Variants in CAMTA1 observed in about 807,000 individuals in gnomAD.
The protein encoded by CAMTA1 is calmodulin-binding transcription activator 1.
In CAMTA1, 27 loss-of-function variants were observed where a neutral mutation model predicts 170.9. The ratio of observed to expected loss-of-function variants is 0.16; its 90% CI spans 0.12 to 0.22. The LOEUF (loss-of-function observed/expected upper bound fraction) is 0.22, where lower values mean the gene tolerates loss of function less well. CAMTA1 is among the 10% of genes least tolerant of loss of function. The pLI is 1.00. For synonymous variants in CAMTA1, 833 were observed against 891.5 expected (o/e 0.93, Z 1.17); for missense variants, 1,619 against 2,217.2 (o/e 0.73, Z 5.42).
At chr1:7,244,755 GC>G (rs1665481703) in intron 4 of CAMTA1, among the ~76,000 whole-genome samples, 1 of 151,968 alleles carries the variant, frequency 6.6e-6, no homozygotes, top group Non-Finnish European at 1.5e-5. Flanking sequence ...GTTGGGGGAG[GC>G]GGGGAGGGAT....
In CAMTA1 at chr1:7,748,912, A is replaced by AT. The variant is rs1459638444; in HGVS notation, c.4689+1137dup. Among the ~76,000 whole-genome samples, 1 of 152,184 alleles carries AT rather than the reference A, an allele frequency of 6.6e-6. No individual in the cohort carries two copies. Among genetic ancestry groups the AT allele is most frequent in the Non-Finnish European group, 1.5e-5 (1 of 68,040 alleles). On this transcript the variant is annotated intron_variant, in intron 19 of 22. Transcript: ENST00000303635. The surrounding 1 kb of genome is among the most constrained non-coding windows in gnomAD (Gnocchi z 4.7). ...TTTTGGGGCAGCTAGTATGCACTAG[A>AT]TTTTTTAGGTGCCCCATCTCATTTC...
At chr1:6,791,410 A>C (rs1299719972) in intron 1 of CAMTA1, among the ~76,000 whole-genome samples, 1 of 152,188 alleles carries the variant, frequency 6.6e-6, no homozygotes, top group Non-Finnish European at 1.5e-5. Flanking sequence ...TTGTAACTAG[A>C]TAGCATCTCT....
intron 3 of CAMTA1, among the ~76,000 whole-genome samples, chr1:6,979,565 A>G (rs1694062362): frequency 6.6e-6 from 1 of 152,238 alleles, no homozygotes; most frequent in African/African-American, 2.4e-5. Context: ...GGTGTAACAT[A>G]GTAAACAGCC....
chr1:7,687,167 G>C (rs2096265854), intron 11 of CAMTA1, among the ~76,000 whole-genome samples: 1 of 151,870 alleles, frequency 6.6e-6, no homozygotes, highest in South Asian at 2.1e-4. Flanking sequence ...AGATGAAGCA[G>C]AGGAGAGGCT....
chr1:7,332,261 G>A (rs887364541), intron 5 of CAMTA1, among the ~76,000 whole-genome samples: 4 of 148,622 alleles, frequency 2.7e-5, no homozygotes, highest in Admixed American at 2.6e-4. Context: ...TGACTTCGGG[G>A]AAAGAGGAGA....
intron 6 of CAMTA1, among the ~76,000 whole-genome samples, chr1:7,492,390 G>A (rs2093717389): frequency 6.6e-6 from 1 of 152,158 alleles, no homozygotes; most frequent in Admixed American, 6.5e-5. Flanking sequence ...TTGCAGTCTG[G>A]GATCCTCAGC....
chr1:7,105,105 A>T (rs1038960922), intron 4 of CAMTA1, among the ~76,000 whole-genome samples: 13 of 152,122 alleles, frequency 8.5e-5, no homozygotes, highest in Non-Finnish European at 1.6e-4. Flanking sequence ...GATATGTATG[A>T]GTTTTGCAGT....
intron 5 of CAMTA1, among the ~76,000 whole-genome samples, chr1:7,440,566 A>C (rs1421326450): frequency 6.6e-6 from 1 of 152,180 alleles, no homozygotes; most frequent in East Asian, 1.9e-4. Context: ...CACAAACAGC[A>C]TGAGACGCAC....
chr1:7,728,426 TTGTC>T (rs959099098), intron 11 of CAMTA1, among the ~76,000 whole-genome samples: 15 of 152,338 alleles, frequency 9.8e-5, no homozygotes, highest in African/African-American at 3.6e-4. Context: ...TTCTGCCCCT[TTGTC>T]TGCCACCGGA....
intron 6 of CAMTA1, among the ~76,000 whole-genome samples, chr1:7,501,333 C>T (rs528048967): frequency 3.9e-5 from 6 of 152,292 alleles, no homozygotes; most frequent in African/African-American, 1.4e-4. Context: ...GAAGGGAGGC[C>T]TGAGAACGGC....
rs373687956 is a variant in CAMTA1, at chr1:7,737,319, C to T, written c.3407C>T (p.Ala1136Val). ...AVVLYKWDRR[A>V]ISIPDSLGRL... ...GTGCTGTACAAGTGGGACCGTCGGG[C>T]CATCTCGATTCCCGACTCTCTAGGA... The change falls in exon 15 of 23, where the codon GCC becomes GTC. Residue 1136 changes from alanine to valine, a missense_variant. Ala to Val is a moderately conservative substitution (Grantham distance 64, BLOSUM62 0). Transcript: ENST00000303635. 6.2e-7 allele frequency: 1 copy of T among 1,614,158 alleles called. No homozygotes were observed. Among genetic ancestry groups the T allele is most frequent in the African/African-American group, 1.3e-5 (1 of 75,060 alleles).
chr1:7,396,503 A>G (rs2089317944), intron 5 of CAMTA1, among the ~76,000 whole-genome samples: 1 of 152,216 alleles, frequency 6.6e-6, no homozygotes, highest in African/African-American at 2.4e-5. Flanking sequence ...CTCTTGCCTA[A>G]TTGCACTAGC....
chr1:7,334,301 G>T (rs1211138264), intron 5 of CAMTA1, among the ~76,000 whole-genome samples: 1 of 152,178 alleles, frequency 6.6e-6, no homozygotes, highest in Non-Finnish European at 1.5e-5. Context: ...AATACTCTTG[G>T]AAGGAGGGTC....
chr1:7,694,601 T>C (rs1233710576), intron 11 of CAMTA1: 3 of 152,830 alleles, frequency 2.0e-5, no homozygotes. Flanking sequence ...GCTCAAGCAA[T>C]GCTCTCCTCT....
In CAMTA1 at chr1:7,665,068, A is replaced by G. The variant is rs1028625544; in HGVS notation, c.2521A>G (p.Ser841Gly). The G allele has an allele frequency of 2.6e-6, 4 of 1,566,696 alleles. No individual in the cohort carries two copies. Among genetic ancestry groups the G allele is most frequent in the Admixed American group, 3.6e-5 (2 of 55,312 alleles). The change falls in exon 9 of 23, where the codon AGC becomes GGC. Residue 841 changes from serine to glycine, a missense_variant. Coordinates refer to ENST00000303635, the MANE Select transcript of CAMTA1 (RefSeq NM_015215.4). The surrounding 1 kb of genome is among the most constrained non-coding windows in gnomAD (Gnocchi z 4.3). ...GCTGAGCAGCTCGGAGGGCGGGGCC[A>G]GCACCATGGCCTACATGCACGTCGC... is the stretch of plus-strand genomic sequence containing the variant. ...LQLSSSEGGA[S>G]TMAYMHVAEV...
intron 3 of CAMTA1, among the ~76,000 whole-genome samples, chr1:7,040,160 A>AT (rs35270229): frequency 0.21 from 29,350 of 139,458 alleles, 3,334 homozygotes; most frequent in Non-Finnish European, 0.29. Flanking sequence ...GCTAACTGTG[A>AT]TTTTTTTTTT....
intron 11 of CAMTA1, among the ~76,000 whole-genome samples, chr1:7,727,439 T>G (rs78473115): frequency 2.9e-3 from 439 of 152,272 alleles, no homozygotes; most frequent in Non-Finnish European, 5.3e-3. Flanking sequence ...TGTATTAATT[T>G]AAAACTCCAG....
chr1:6,998,316 G>A (rs763777757), intron 3 of CAMTA1, among the ~76,000 whole-genome samples: 1 of 152,046 alleles, frequency 6.6e-6, no homozygotes, highest in Non-Finnish European at 1.5e-5. Flanking sequence ...CAGGTGATCC[G>A]CCCATCTCTG....
At chr1:7,678,396 A>G (rs942742316) in intron 11 of CAMTA1, among the ~76,000 whole-genome samples, 2 of 152,202 alleles carry the variant, frequency 1.3e-5, no homozygotes, top group African/African-American at 4.8e-5. Flanking sequence ...CAGGGACCCC[A>G]GTGGGCTTCA....
Sources: allele counts gnomAD v4.1 joint callset (sites outside exome capture counted in the v4.1 genomes callset), GRCh38; gene constraint gnomAD v4.1.1; non-coding constraint Gnocchi (gnomAD v3.1); transcripts MANE v1.5; gene names NCBI Gene and HGNC (gene_info 2026-07-23, HGNC 2026-07-21).